The following IMPG2 variants were observed in gnomAD, a reference collection of about 807,000 sequenced individuals.
IMPG2 encodes the protein IPM 200.
A neutral mutation model predicts 129.2 loss-of-function variants in IMPG2; 91 were observed. The ratio of observed to expected loss-of-function variants is 0.70; its 90% confidence interval spans 0.59 to 0.84. IMPG2 has a LOEUF of 0.84. IMPG2 is among the 40% of genes least tolerant of loss of function. The pLI is 0.00. For missense variants in IMPG2, 1,430 were observed against 1,461.7 expected (o/e 0.98, Z 0.35); for synonymous variants, 510 against 517.7 (o/e 0.99, Z 0.20).
At chr3:101,262,694 C>G (rs1367110854) in intron 9 of IMPG2, among the ~76,000 whole-genome samples, 8 of 151,126 alleles carry the variant, frequency 5.3e-5, no homozygotes, top group Non-Finnish European at 1.0e-4. Flanking sequence ...CATAAGTTCT[C>G]TACTGTGAAT....
At position 101,291,462 on chromosome 3, in the gene IMPG2, G is replaced by A. The variant is rs1707008393; in HGVS notation, c.533+17C>T. On this transcript the variant is annotated intron_variant, in intron 4 of 18. Transcript: ENST00000193391. ...CTGTGTTGCCAAACATGAATTTTGG[G>A]AAAAAGAGACACTCACCTGCTTACA... is the stretch of plus-strand genomic sequence containing the variant. 1 of 1,609,778 alleles carries A rather than the reference G, an allele frequency of 6.2e-7. No individual in the cohort carries two copies. Among genetic ancestry groups the A allele is most frequent in the Non-Finnish European group, 8.5e-7 (1 of 1,176,194 alleles).
At position 101,319,721 on chromosome 3, in the gene IMPG2, A is replaced by C. The variant is rs749703201; in HGVS notation, c.197T>G (p.Leu66Arg). The change falls in exon 2 of 19, where the codon CTG (leucine) becomes CGG (arginine). Residue 66 changes from leucine to arginine, a missense_variant. Physicochemically the swap from Leu to Arg is moderately radical, Grantham distance 102. Transcript: ENST00000193391. Reference protein sequence around the residue: ...LSLATKKKQPLDRRETERQWL... With the variant: ...LSLATKKKQPRDRRETERQWL... ...CTGTCTTTCAGTTTCTCTGCGGTCC[A>C]GAGGCTGTTTCTTTTTGGTAGCTAG... The C allele has an allele frequency of 2.5e-6, 4 of 1,613,722 alleles. No homozygotes were observed. The Admixed American group carries it at 5.0e-5, about 20-fold the overall frequency.
At chr3:101,254,513 G>T (rs1209627204) in intron 10 of IMPG2, among the ~76,000 whole-genome samples, 1 of 152,060 alleles carries the variant, frequency 6.6e-6, no homozygotes, top group Non-Finnish European at 1.5e-5. Flanking sequence ...ATCAATAAAA[G>T]CTAAAAAGAA....
chr3:101,283,063 C>A (rs1335660192), intron 4 of IMPG2, among the ~76,000 whole-genome samples: 1 of 152,168 alleles, frequency 6.6e-6, no homozygotes. Context: ...TCTGTTGTTG[C>A]CCAGGCTGGA....
At chr3:101,318,149 AAAT>A (rs138777161) in intron 2 of IMPG2, among the ~76,000 whole-genome samples, 7,187 of 144,104 alleles carry the variant, frequency 0.05, 312 homozygotes, top group East Asian at 0.17. Flanking sequence ...AAATAGTAAT[AAAT>A]AATAATAATA....
At chr3:101,268,618 T>TAC (rs1488949157) in intron 8 of IMPG2, among the ~76,000 whole-genome samples, 1 of 32,058 alleles carries the variant, frequency 3.1e-5, no homozygotes, top group African/African-American at 6.6e-5. Flanking sequence ...TGTGTAAATA[T>TAC]ACATATATAT....
chr3:101,307,105 G>A (rs370691182), intron 2 of IMPG2, among the ~76,000 whole-genome samples: 33 of 152,042 alleles, frequency 2.2e-4, no homozygotes, highest in African/African-American at 8.0e-4. Context: ...CTTCACAAAG[G>A]AAGAGATAAA....
Position 101,306,380 on chromosome 3 carries a change from C to A in IMPG2, c.335-2068G>T, listed in dbSNP as rs1423371740. Among the ~76,000 whole-genome samples, 6 of 152,230 alleles carry A rather than the reference C, an allele frequency of 3.9e-5. No homozygotes were observed. In the South Asian group the frequency reaches 6.2e-4, roughly 16 times the overall value. ...ATTGGGTTTTAGGGCTAAACCAAAC[C>A]TTTCATTACAAACTTAATTTGTCTT... On this transcript the variant is annotated intron_variant, in intron 2 of 18. Coordinates refer to ENST00000193391, the MANE Select transcript of IMPG2 (RefSeq NM_016247.4).
rs1706844299 is a variant in IMPG2 at position 101,276,769 on chromosome 3, T to G, written c.534-56A>C. 3.0e-6 allele frequency: 4 copies of G among 1,347,078 alleles called. No individual in the cohort carries two copies. In the Admixed American group the frequency reaches 5.2e-5, roughly 18 times the overall value. 83.4% of individuals were successfully genotyped at this position (1,347,078 alleles called of 1,614,324 possible). A position where few individuals can be genotyped will look rare whatever the true frequency, so the allele number is the denominator to read the frequency against. On this transcript the variant is annotated intron_variant, in intron 4 of 18. Coordinates refer to ENST00000193391, the MANE Select transcript of IMPG2 (RefSeq NM_016247.4). ...ATGACAGACACATGAGAGTTTATTT[T>G]GGGATTTTTGGGGTTGTTTTCCAAA...
At chr3:101,295,575 G>GT (rs1303546832) in intron 3 of IMPG2, among the ~76,000 whole-genome samples, 4 of 151,218 alleles carry the variant, frequency 2.6e-5, no homozygotes, top group African/African-American at 9.7e-5. Flanking sequence ...TTTTTAAGTA[G>GT]TTTTTTCTAA....
At chr3:101,267,174 C>A (rs1450924674) in intron 9 of IMPG2, among the ~76,000 whole-genome samples, 1 of 152,004 alleles carries the variant, frequency 6.6e-6, no homozygotes, top group African/African-American at 2.4e-5. Context: ...AAAAAAAGAA[C>A]AATATTTTGT....
chr3:101,228,017 T>G (rs1256170521), intron 18 of IMPG2, among the ~76,000 whole-genome samples: 1 of 152,230 alleles, frequency 6.6e-6, no homozygotes, highest in Non-Finnish European at 1.5e-5. Flanking sequence ...TATCTGGCCC[T>G]CCACGAACAA....
At position 101,229,446 on chromosome 3, in the gene IMPG2, G is replaced by A. The variant is rs764568010; in HGVS notation, c.3567C>T (p.Asp1189=). 1.6e-5 allele frequency: 26 copies of A among 1,612,764 alleles called. No individual in the cohort carries two copies. The highest frequency in any genetic ancestry group is 6.7e-5 in the Admixed American group (4 of 59,970). The change falls in exon 17 of 19, where the codon GAC becomes GAT. Residue 1189 remains aspartate, a synonymous_variant. Coordinates refer to ENST00000193391, the MANE Select transcript of IMPG2 (RefSeq NM_016247.4). ...CTTCTCTGCTCAGCCCACCAATCAC[G>A]TCTCCGCTAGCAGAGCTGTAGAAGG... ...QHPFYSSASG[D]VIGGLSREEI... is the part of the protein sequence containing the mutation.
intron 16 of IMPG2, 124 bp from the exon 17 acceptor site, chr3:101,229,714 T>G (rs1706266460): frequency 1.2e-6 from 1 of 837,024 alleles, no homozygotes; most frequent in Non-Finnish European, 2.0e-6. Context: ...TGGTGGGACA[T>G]AACTGTGAAA....
Position 101,276,733 on chromosome 3 carries a change from C to T in IMPG2, c.534-20G>A, listed in dbSNP as rs1308342844. 2 of 1,594,590 alleles carry T rather than the reference C, an allele frequency of 1.3e-6. No homozygotes were observed. Among genetic ancestry groups the T allele is most frequent in the Admixed American group, 3.3e-5 (2 of 59,830 alleles). On this transcript the variant is annotated intron_variant, in intron 4 of 18. Transcript: ENST00000193391. ...TCAGAGCTAGAAAAAAAAATGTTTG[C>T]AGTTAATAAAATGACAGACACATGA...
intron 4 of IMPG2, 56 bp from the exon 5 acceptor site, chr3:101,276,769 T>C (rs1706844299): frequency 1.5e-6 from 2 of 1,347,196 alleles, no homozygotes; most frequent in Admixed American, 3.5e-5. Flanking sequence ...GAGTTTATTT[T>C]GGGATTTTTG....
intron 3 of IMPG2, among the ~76,000 whole-genome samples, chr3:101,294,813 T>C (rs895530766): frequency 2.0e-5 from 3 of 152,268 alleles, no homozygotes; most frequent in African/African-American, 7.2e-5. Context: ...TATGTCATTT[T>C]GGTTTTGATT....
intron 13 of IMPG2, 77 bp downstream of exon 13, chr3:101,243,452 C>T (rs1706431733): frequency 2.3e-6 from 3 of 1,294,880 alleles, no homozygotes; most frequent in Admixed American, 1.8e-5. Context: ...TGGCTCAGAC[C>T]TTATGTGCTA....
Position 101,307,738 on chromosome 3 carries a change from C to T in IMPG2, c.335-3426G>A, listed in dbSNP as rs374770618. The stretch of plus-strand genomic sequence containing the variant: ...ACAGGCAAACTGTATCATTCTGCCC[C>T]GGCCCCTCCCAAATCTCATGTCCTC... On this transcript the variant is annotated intron_variant, in intron 2 of 18. Coordinates refer to ENST00000193391, the MANE Select transcript of IMPG2 (RefSeq NM_016247.4). Among the ~76,000 whole-genome samples the T allele has an allele frequency of 5.3e-5, 8 of 152,206 alleles. No homozygotes were observed. In the East Asian group the frequency reaches 7.7e-4, roughly 15 times the overall value.
Sources: gnomAD v4.1 joint callset for allele counts (sites outside exome capture counted in the v4.1 genomes callset) on GRCh38, gnomAD v4.1.1 for gene constraint, MANE v1.5 for transcripts, NCBI Gene and HGNC (gene_info 2026-07-23, HGNC 2026-07-21) for gene names.